The following RIMS2 variants were observed in gnomAD, a reference collection of about 807,000 sequenced individuals.
RIMS2 encodes the protein regulating synaptic membrane exocytosis protein 2.
Under a neutral mutation model 174.4 loss-of-function variants are expected in RIMS2, and 59 were observed. The ratio of observed to expected loss-of-function variants is 0.34; its 90% CI spans 0.27 to 0.42. The LOEUF is 0.42. Among genes scored for constraint, RIMS2 ranks in the 10% least tolerant of loss-of-function variants. RIMS2 has a pLI of 1.00. For missense variants in RIMS2, 1,620 were observed against 1,666.3 expected (o/e 0.97, Z 0.48); for synonymous variants, 606 against 572.5 (o/e 1.06, Z -0.84).
intron 1 of RIMS2, among the ~76,000 whole-genome samples, chr8:103,623,331 CA>C (rs1211861665): frequency 1.3e-5 from 2 of 152,026 alleles, no homozygotes; most frequent in Non-Finnish European, 2.9e-5. Flanking sequence ...GTACAGAACA[CA>C]TTTTATTTCT....
intron 19 of RIMS2, among the ~76,000 whole-genome samples, chr8:104,080,769 T>G (rs925709157): frequency 6.6e-6 from 1 of 152,076 alleles, no homozygotes; most frequent in African/African-American, 2.4e-5. Flanking sequence ...TTGGAAGGAT[T>G]ACAGATATCA....
intron 19 of RIMS2, chr8:104,223,601 G>T: frequency 1.3e-6 from 2 of 1,521,808 alleles, no homozygotes; most frequent in Non-Finnish European, 1.8e-6. Flanking sequence ...CGCCCCAGCC[G>T]CCAAGACGCC....
Position 103,899,834 on chromosome 8 carries a change from A to T in RIMS2, c.1625-10300A>T, listed in dbSNP as rs560154245. Among the ~76,000 whole-genome samples the T allele has an allele frequency of 7.9e-5, 12 of 151,840 alleles. 1 individual carries two copies. Among genetic ancestry groups the T allele is most frequent in the African/African-American group, 2.9e-4 (12 of 41,142 alleles). On this transcript the variant is annotated intron_variant, in intron 4 of 23. Transcript: ENST00000504942. ...AATGGTATTACCTAGGTTTTCTTCT[A>T]GGGTTTTTATGGTTTTAGGTCTAAC...
chr8:104,208,994 A>G (rs1187178239), intron 19 of RIMS2, among the ~76,000 whole-genome samples: 3 of 152,234 alleles, frequency 2.0e-5, no homozygotes, highest in Non-Finnish European at 2.9e-5. Context: ...TCATAAAACT[A>G]CTACAGAGGC....
intron 19 of RIMS2, among the ~76,000 whole-genome samples, chr8:104,071,100 C>T (rs544237481): frequency 1.1e-4 from 16 of 152,246 alleles, no homozygotes; most frequent in African/African-American, 3.8e-4. Context: ...AGCAATGATT[C>T]TTGTTATAGA....
At chr8:103,961,267 T>C (rs961514496) in intron 15 of RIMS2, 134 bp downstream of exon 17, 1 of 590,898 alleles carries the variant, frequency 1.7e-6, no homozygotes, top group Non-Finnish European at 3.0e-6. Flanking sequence ...TGGCAACCTA[T>C]GACAACTTAA....
chr8:103,541,472 A>G (rs1325300422), intron 1 of RIMS2, among the ~76,000 whole-genome samples: 1 of 152,246 alleles, frequency 6.6e-6, no homozygotes, highest in Non-Finnish European at 1.5e-5. Flanking sequence ...CTGTCTTACA[A>G]GAAATGCTGA....
intron 1 of RIMS2, among the ~76,000 whole-genome samples, chr8:103,619,218 G>T (rs1228234749): frequency 6.6e-6 from 1 of 151,406 alleles, no homozygotes; most frequent in African/African-American, 2.4e-5. Flanking sequence ...GAGTATCTTA[G>T]AAAAGTATCT....
intron 3 of RIMS2, among the ~76,000 whole-genome samples, chr8:103,875,734 A>G (rs1565052743): frequency 6.6e-6 from 1 of 152,074 alleles, no homozygotes; most frequent in South Asian, 2.1e-4. Context: ...CCAGTGGTGT[A>G]TAAGTGTTCC....
chr8:104,211,501 T>G (rs1353351740), intron 19 of RIMS2, among the ~76,000 whole-genome samples: 1 of 152,188 alleles, frequency 6.6e-6, no homozygotes, highest in South Asian at 2.1e-4. Context: ...GTTTGTATTT[T>G]ATTTTGATTG....
intron 1 of RIMS2, among the ~76,000 whole-genome samples, chr8:103,631,127 A>G (rs1411392621): frequency 6.6e-6 from 1 of 152,222 alleles, no homozygotes; most frequent in Non-Finnish European, 1.5e-5. Context: ...AAGTTTAATT[A>G]GATCCCATTT....
intron 1 of RIMS2, among the ~76,000 whole-genome samples, chr8:103,650,619 C>G (rs887906918): frequency 6.6e-6 from 1 of 152,212 alleles, no homozygotes; most frequent in Non-Finnish European, 1.5e-5. Context: ...GGGTGAAGCC[C>G]TCACAGGGAG....
chr8:103,662,672 GT>G lies in RIMS2; in HGVS notation c.177-34413del, dbSNP rs2096616378. On this transcript the variant is annotated intron_variant, in intron 1 of 23. Transcript: ENST00000504942. ...ACCTTTTCCCTTTGGAGTCAGAAGA[GT>G]CTATCTATCTATCTATCTATCTATC... 1.9e-3 allele frequency among the ~76,000 whole-genome samples: 284 copies of G among 149,670 alleles called. 2 individuals are homozygous for G. The highest frequency in any genetic ancestry group is 6.7e-3 in the African/African-American group (270 of 40,580).
chr8:103,795,193 A>G (rs907146144), intron 3 of RIMS2, among the ~76,000 whole-genome samples: 13 of 152,212 alleles, frequency 8.5e-5, no homozygotes, highest in Admixed American at 3.9e-4. Context: ...CCCAAATGTC[A>G]TCAATGATAG....
At chr8:103,737,099 G>A (rs887559630) in intron 2 of RIMS2, among the ~76,000 whole-genome samples, 1 of 150,456 alleles carries the variant, frequency 6.6e-6, no homozygotes, top group African/African-American at 2.4e-5. Context: ...CCCCTTGAAA[G>A]CATTATTGGA....
At chr8:103,565,394 G>A (rs1199603413) in intron 1 of RIMS2, among the ~76,000 whole-genome samples, 3 of 151,892 alleles carry the variant, frequency 2.0e-5, no homozygotes, top group African/African-American at 7.3e-5. Flanking sequence ...AAGCTCGACT[G>A]CCTGGGATCA....
At chr8:104,121,163 A>G (rs1333743024) in intron 19 of RIMS2, among the ~76,000 whole-genome samples, 1 of 152,194 alleles carries the variant, frequency 6.6e-6, no homozygotes, top group Non-Finnish European at 1.5e-5. Context: ...CATTTAAATA[A>G]TTATAATACA....
chr8:104,062,869 A>G (rs1239904025), intron 19 of RIMS2, among the ~76,000 whole-genome samples: 3 of 152,226 alleles, frequency 2.0e-5, no homozygotes, highest in South Asian at 2.1e-4. Flanking sequence ...GTAATAAGAT[A>G]GTTATCAAAA....
chr8:104,244,579 T>G (rs1285750409), intron 19 of RIMS2, among the ~76,000 whole-genome samples: 3 of 152,190 alleles, frequency 2.0e-5, no homozygotes, highest in Non-Finnish European at 4.4e-5. Context: ...AAGATAGGCA[T>G]AAATTAACCT....
Sources: allele counts gnomAD v4.1 joint callset (sites outside exome capture counted in the v4.1 genomes callset), GRCh38; gene constraint gnomAD v4.1.1; transcripts MANE v1.5; gene names NCBI Gene and HGNC (gene_info 2026-07-23, HGNC 2026-07-21).